CAPN9: variants seen among roughly 807,000 people sequenced by gnomAD.
The protein encoded by CAPN9 is calpain-9.
A neutral mutation model predicts 92.8 loss-of-function variants in CAPN9; 81 were observed. The observed-to-expected ratio is 0.87, with a 90% CI of 0.73 to 1.05. The LOEUF is 1.05. CAPN9 is among the 50% of genes least tolerant of loss of function. CAPN9 has a pLI of 0.00. For synonymous variants in CAPN9, 304 were observed against 328.0 expected, an observed-to-expected ratio of 0.93 and a Z score of 0.79; for missense variants, 848 against 866.2, an observed-to-expected ratio of 0.98 and a Z score of 0.26.
chr1:230,751,867 AG>A (rs1664866599), intron 1 of CAPN9, among the ~76,000 whole-genome samples: 2 of 674 alleles, frequency 3.0e-3, no homozygotes, highest in Non-Finnish European at 2.9e-3. Flanking sequence ...GGGGGAGGGG[AG>A]GGGGAGGGGG....
intron 11 of CAPN9, among the ~76,000 whole-genome samples, chr1:230,782,011 G>C (rs1212529029): frequency 7.2e-5 from 11 of 152,172 alleles, no homozygotes. Context: ...CCTAGTATCT[G>C]TTCACACAAA....
intron 13 of CAPN9, 44 bp from the exon 14 acceptor site, chr1:230,790,088 A>C: frequency 6.7e-7 from 1 of 1,499,468 alleles, no homozygotes; most frequent in South Asian, 1.1e-5. Flanking sequence ...ACTATAAAAG[A>C]AGGTGCCAAG....
intron 13 of CAPN9, 40 bp from the exon 14 acceptor site, chr1:230,790,092 T>G (rs1248537036): frequency 1.3e-6 from 2 of 1,522,070 alleles, no homozygotes; most frequent in African/African-American, 2.7e-5. Context: ...TAAAAGAAGG[T>G]GCCAAGGGCT....
intron 3 of CAPN9, 93 bp from the exon 4 acceptor site, chr1:230,762,560 G>A: frequency 6.8e-7 from 1 of 1,469,992 alleles, no homozygotes; most frequent in South Asian, 1.3e-5. Context: ...TTGGTCAGAG[G>A]GGAAAAAAGC....
intron 19 of CAPN9, among the ~76,000 whole-genome samples, chr1:230,801,029 C>T (rs1488861440): frequency 6.6e-6 from 1 of 152,132 alleles, no homozygotes; most frequent in African/African-American, 2.4e-5. Context: ...ATCACGTTGC[C>T]CCAAGTCACC....
intron 1 of CAPN9, among the ~76,000 whole-genome samples, chr1:230,753,727 C>T (rs763949125): frequency 2.0e-5 from 3 of 152,114 alleles, no homozygotes. Flanking sequence ...GGGAAAAATC[C>T]TTCACTCCTC....
chr1:230,768,014 A>T (rs1222170328), intron 5 of CAPN9, among the ~76,000 whole-genome samples: 3 of 18,110 alleles, frequency 1.7e-4, no homozygotes, highest in African/African-American at 9.2e-4. Context: ...AAAGTATAAT[A>T]AATAAATAAA....
intron 11 of CAPN9, among the ~76,000 whole-genome samples, chr1:230,784,908 T>C (rs7548890): frequency 0.21 from 32,032 of 152,100 alleles, 3,577 homozygotes; most frequent in African/African-American, 0.28. Flanking sequence ...AAGCCACAGG[T>C]ACTCAACAAC....
chr1:230,786,814 G>C (rs1355755577), intron 12 of CAPN9, among the ~76,000 whole-genome samples: 2 of 152,160 alleles, frequency 1.3e-5, no homozygotes, highest in African/African-American at 4.8e-5. Flanking sequence ...GAGGCAGGGA[G>C]ATGTTTTTTA....
At chr1:230,751,754 CG>C (rs1476356459) in intron 1 of CAPN9, among the ~76,000 whole-genome samples, 2 of 150,030 alleles carry the variant, frequency 1.3e-5, no homozygotes, top group Non-Finnish European at 3.0e-5. Flanking sequence ...GGCTGAGCCC[CG>C]ATGATGTACA....
At position 230,800,219 on chromosome 1, in the gene CAPN9, AT is replaced by A. The variant is rs1341365155; in HGVS notation, c.2047-1350del. 2.4e-3 allele frequency among the ~76,000 whole-genome samples: 166 copies of A among 69,924 alleles called. 5 individuals are homozygous for A. The highest frequency in any genetic ancestry group is 7.0e-3 in the African/African-American group (161 of 23,134). 45.9% of individuals were successfully genotyped at this position (69,924 alleles called of 152,430 possible). On this transcript the variant is annotated intron_variant, in intron 19 of 19. Coordinates refer to ENST00000271971, the MANE Select transcript of CAPN9 (RefSeq NM_006615.3). ...AGGAAAAGAAAGAAAAGAAAGAAAA[AT>A]AAGAAAGAAAGAAGAAAGAAAGAAA...
intron 2 of CAPN9, 64 bp from the exon 3 acceptor site, chr1:230,759,447 AC>A (rs1665476209): frequency 8.5e-7 from 1 of 1,181,120 alleles, no homozygotes; most frequent in Admixed American, 2.0e-5. Flanking sequence ...CCCTTCTGAC[AC>A]AGAGTTTTCC....
chr1:230,793,390 G>A (rs1465369393), intron 17 of CAPN9, among the ~76,000 whole-genome samples: 2 of 152,152 alleles, frequency 1.3e-5, no homozygotes, highest in Non-Finnish European at 2.9e-5. Flanking sequence ...CCCTGTCCCG[G>A]GTTTTATCAG....
In CAPN9 at chr1:230,792,948, A is replaced by C. The variant is rs752683810; in HGVS notation, c.1870+20A>C. 1.9e-6 allele frequency: 3 copies of C among 1,591,992 alleles called. No homozygotes were observed. The highest frequency in any genetic ancestry group is 2.6e-6 in the Non-Finnish European group (3 of 1,160,382). On this transcript the variant is annotated intron_variant, in intron 17 of 19. Transcript: ENST00000271971. The stretch of plus-strand genomic sequence containing the variant: ...CTGCAGGTAAAGAAAAGACTGGAGT[A>C]CAGGTGGCTGACTGCATGCCAGGTA...
chr1:230,790,103 A>G lies in CAPN9; in HGVS notation c.1600-29A>G, dbSNP rs762014731. The G allele has an allele frequency of 5.7e-6, 9 of 1,580,862 alleles. No homozygotes were observed. The South Asian group carries it at 7.7e-5, about 14-fold the overall frequency. The stretch of plus-strand genomic sequence containing the variant: ...ACTATAAAAGAAGGTGCCAAGGGCT[A>G]TAACAAACAATTGTCTCCACTTCAA... On this transcript the variant is annotated intron_variant, in intron 13 of 19. Coordinates refer to ENST00000271971, the MANE Select transcript of CAPN9 (RefSeq NM_006615.3).
At chr1:230,797,976 G>A (rs1367682827) in intron 18 of CAPN9, among the ~76,000 whole-genome samples, 186 bp from the exon 19 acceptor site, 2 of 152,128 alleles carry the variant, frequency 1.3e-5, no homozygotes, top group Non-Finnish European at 2.9e-5. Flanking sequence ...CATCCGTTCA[G>A]AGAAGTTCAC....
Position 230,759,494 on chromosome 1 carries a change from A to G in CAPN9, c.284-18A>G. The G allele has an allele frequency of 6.4e-7, 1 of 1,556,694 alleles. No individual in the cohort carries two copies. Among genetic ancestry groups the G allele is most frequent in the Middle Eastern group, 1.7e-4 (1 of 5,890 alleles). ...GAAATAGCAATGAAAATTGTGATTT[A>G]TGGCTTCCATTTTGCAGGAGACTGC... On this transcript the variant is annotated intron_variant, in intron 2 of 19. Coordinates refer to ENST00000271971, the MANE Select transcript of CAPN9 (RefSeq NM_006615.3).
chr1:230,796,543 T>C (rs1218571694), intron 18 of CAPN9, among the ~76,000 whole-genome samples: 1 of 151,944 alleles, frequency 6.6e-6, no homozygotes, highest in Non-Finnish European at 1.5e-5. Flanking sequence ...TCAATGAGTA[T>C]GTGTTGATTA....
At chr1:230,796,010 C>T (rs1038407099) in intron 18 of CAPN9, among the ~76,000 whole-genome samples, 8 of 146,376 alleles carry the variant, frequency 5.5e-5, no homozygotes, top group African/African-American at 1.8e-4. Context: ...TAGGCCACTT[C>T]GAGGTATGAA....
Sources: allele counts gnomAD v4.1 joint callset (sites outside exome capture counted in the v4.1 genomes callset), GRCh38; gene constraint gnomAD v4.1.1; transcripts MANE v1.5; gene names NCBI Gene and HGNC (gene_info 2026-07-23, HGNC 2026-07-21).